Variants in SH3GL2 observed in about 807,000 individuals in gnomAD.
The protein encoded by SH3GL2 is endophilin-A1.
SH3GL2 carries 24 observed loss-of-function variants against 46.0 expected under a neutral mutation model. The observed-to-expected ratio is 0.52, with a 90% CI of 0.38 to 0.73. The LOEUF (loss-of-function observed/expected upper bound fraction) is 0.73, where lower values mean the gene tolerates loss of function less well. Among genes scored for constraint, SH3GL2 ranks in the 30% least tolerant of loss-of-function variants. SH3GL2 has a pLI of 0.00. For missense variants in SH3GL2, 413 were observed against 424.2 expected, an observed-to-expected ratio of 0.97 and a Z score of 0.23; for synonymous variants, 196 against 147.1, an observed-to-expected ratio of 1.33 and a Z score of -2.40.
chr9:17,678,786 T>C (rs1820685173), intron 1 of SH3GL2, among the ~76,000 whole-genome samples: 1 of 152,218 alleles, frequency 6.6e-6, no homozygotes, highest in Admixed American at 6.5e-5. Flanking sequence ...AAGTCTTTAA[T>C]CCATCTTGAA....
intron 1 of SH3GL2, among the ~76,000 whole-genome samples, chr9:17,675,724 A>G (rs1177600807): frequency 6.6e-6 from 1 of 152,166 alleles, no homozygotes; most frequent in Non-Finnish European, 1.5e-5. Context: ...AGGCGGGAGG[A>G]TCACGAGGTC....
At chr9:17,644,511 A>T (rs943965901) in intron 1 of SH3GL2, among the ~76,000 whole-genome samples, 1 of 152,040 alleles carries the variant, frequency 6.6e-6, no homozygotes, top group African/African-American at 2.4e-5. Context: ...TGTCCCAGAG[A>T]TTCTGGTACA....
intron 1 of SH3GL2, among the ~76,000 whole-genome samples, chr9:17,621,341 G>C (rs1819133509): frequency 6.6e-6 from 1 of 152,210 alleles, no homozygotes; most frequent in African/African-American, 2.4e-5. Context: ...TAGAAAGACT[G>C]TGCTAATTTA....
intron 1 of SH3GL2, among the ~76,000 whole-genome samples, chr9:17,719,977 A>C (rs906228483): frequency 7.0e-6 from 1 of 143,092 alleles, no homozygotes; most frequent in Non-Finnish European, 1.5e-5. Flanking sequence ...AATTAAAAAA[A>C]ACCTCCTCTT....
intron 1 of SH3GL2, among the ~76,000 whole-genome samples, chr9:17,666,719 A>C (rs149907054): frequency 6.6e-6 from 1 of 152,184 alleles, no homozygotes; most frequent in Admixed American, 6.5e-5. Context: ...GTAGTGGATA[A>C]CCTAGTGTAT....
intron 1 of SH3GL2, among the ~76,000 whole-genome samples, chr9:17,673,355 T>C (rs1820522890): frequency 6.6e-6 from 1 of 150,406 alleles, no homozygotes; most frequent in African/African-American, 2.5e-5. Context: ...GGTTTCATCA[T>C]GTTGCCGAGG....
chr9:17,784,408 T>A (rs1232719896), intron 3 of SH3GL2, among the ~76,000 whole-genome samples: 1 of 152,130 alleles, frequency 6.6e-6, no homozygotes, highest in East Asian at 1.9e-4. Flanking sequence ...CTGAATAGGA[T>A]TTGTAGGGAT....
intron 1 of SH3GL2, among the ~76,000 whole-genome samples, chr9:17,686,690 CA>C (rs1156387223): frequency 1.4e-5 from 2 of 142,808 alleles, no homozygotes; most frequent in Non-Finnish European, 1.5e-5. Context: ...ATCGCAAGAA[CA>C]AAAAACCAAA....
Position 17,796,588 on chromosome 9 carries a change from G to GTGAATTACATGTTTCA in SH3GL2, c.*851_*866dup, listed in dbSNP as rs887005297. ...AAATATCTTCACTTCAGTTTTATTT[G>GTGAATTACATGTTTCA]TGAATTACATGTTTCATGAATCCAT... On this transcript the variant is annotated 3_prime_UTR_variant, in exon 9 of 9. Coordinates refer to ENST00000380607, the MANE Select transcript of SH3GL2 (RefSeq NM_003026.5). The GTGAATTACATGTTTCA allele has an allele frequency of 2.6e-5, 4 of 152,460 alleles. No individual in the cohort carries two copies. Among genetic ancestry groups the GTGAATTACATGTTTCA allele is most frequent in the Non-Finnish European group, 4.4e-5 (3 of 68,026 alleles). 9.4% of individuals were successfully genotyped at this position (152,460 alleles called of 1,614,324 possible). A position where few individuals can be genotyped will look rare whatever the true frequency, so the allele number is the denominator to read the frequency against.
At chr9:17,750,098 A>G (rs758544081) in intron 2 of SH3GL2, among the ~76,000 whole-genome samples, 4 of 152,128 alleles carry the variant, frequency 2.6e-5, no homozygotes, top group Non-Finnish European at 4.4e-5. Context: ...CACTCATGCT[A>G]AATTTACATG....
chr9:17,792,248 C>T (rs747460822), intron 7 of SH3GL2, among the ~76,000 whole-genome samples: 13 of 152,148 alleles, frequency 8.5e-5, no homozygotes, highest in East Asian at 1.9e-4. Flanking sequence ...CATTTTCCTT[C>T]GGCGCAGCCT....
In SH3GL2 at chr9:17,787,511, C is replaced by G. The variant is rs1324003525; in HGVS notation, c.463C>G (p.Gln155Glu). Residue 155 changes from glutamine (Q) to glutamate (E), a missense_variant and splice_region_variant, in exon 5 of 9, where the codon CAA (glutamine) becomes GAA (glutamate). Gln to Glu is a conservative substitution (Grantham distance 29). This residue lies in a region of SH3GL2 where 160 missense variants were observed against 192.3 expected (regional missense o/e 0.83). Coordinates refer to ENST00000380607, the MANE Select transcript of SH3GL2 (RefSeq NM_003026.5). ...TCATGACAAAGATCTTAGGGAAATT[C>G]AAGTATGTACAATGAGTCTTCTGGA... ...NLHDKDLREIQHHLKKLEGRR... is the reference protein window; with the variant it reads ...NLHDKDLREIEHHLKKLEGRR... The G allele has an allele frequency of 1.2e-6, 2 of 1,611,604 alleles. No homozygotes were observed. The highest frequency in any genetic ancestry group is 1.7e-5 in the Admixed American group (1 of 59,906).
chr9:17,721,537 A>G (rs550512036), intron 1 of SH3GL2, among the ~76,000 whole-genome samples: 2 of 152,084 alleles, frequency 1.3e-5, no homozygotes, highest in African/African-American at 4.8e-5. Flanking sequence ...GTACCATACC[A>G]TATTTTACTT....
chr9:17,779,205 A>G (rs1187202667), intron 3 of SH3GL2, among the ~76,000 whole-genome samples: 1 of 152,160 alleles, frequency 6.6e-6, no homozygotes, highest in Non-Finnish European at 1.5e-5. Flanking sequence ...CAAATCATCA[A>G]GATAGAGATG....
At chr9:17,684,485 A>G (rs912144447) in intron 1 of SH3GL2, among the ~76,000 whole-genome samples, 1 of 152,150 alleles carries the variant, frequency 6.6e-6, no homozygotes, top group Non-Finnish European at 1.5e-5. Flanking sequence ...TCCAGTGTAT[A>G]TGTAATTAGA....
chr9:17,729,732 G>A lies in SH3GL2; in HGVS notation c.46-17334G>A, dbSNP rs187484333. Among the ~76,000 whole-genome samples the A allele has an allele frequency of 1.8e-3, 276 of 152,236 alleles. 2 individuals carry two copies. Among genetic ancestry groups the A allele is most frequent in the African/African-American group, 6.2e-3 (259 of 41,548 alleles). On this transcript the variant is annotated intron_variant, in intron 1 of 8. Transcript: ENST00000380607. ...CTAAATAGGTAATTCTTTCCCCATT[G>A]CTTGTTTTTGTCAGGTTTGTCAAAG... is the stretch of plus-strand genomic sequence containing the variant.
intron 1 of SH3GL2, among the ~76,000 whole-genome samples, chr9:17,638,879 C>T (rs1402259704): frequency 1.3e-5 from 2 of 152,162 alleles, no homozygotes; most frequent in South Asian, 4.1e-4. Context: ...TTCCCTGGTT[C>T]TGGAACTTTT....
intron 3 of SH3GL2, among the ~76,000 whole-genome samples, chr9:17,774,264 C>T (rs1055747433): frequency 5.9e-5 from 9 of 152,076 alleles, no homozygotes; most frequent in Admixed American, 1.3e-4. Context: ...TACTTGTTTA[C>T]ATCCAATTTG....
chr9:17,646,127 T>C (rs1404921182), intron 1 of SH3GL2, among the ~76,000 whole-genome samples: 1 of 151,920 alleles, frequency 6.6e-6, no homozygotes, highest in Non-Finnish European at 1.5e-5. Context: ...TAAGCTGATC[T>C]TCCATCTCTG....
Sources: allele counts gnomAD v4.1 joint callset (sites outside exome capture counted in the v4.1 genomes callset), GRCh38; gene constraint gnomAD v4.1.1; regional missense constraint gnomAD v4.1.1; transcripts MANE v1.5; gene names NCBI Gene and HGNC (gene_info 2026-07-23, HGNC 2026-07-21).